Variants in CSMD1 observed in about 807,000 individuals in gnomAD.
The protein encoded by CSMD1 is CUB and sushi domain-containing protein 1.
A neutral mutation model predicts 417.5 loss-of-function variants in CSMD1; 213 were observed. The observed-to-expected ratio is 0.51, with a 90% CI of 0.46 to 0.57. The LOEUF is 0.57. Among genes scored for constraint, CSMD1 ranks in the 20% least tolerant of loss-of-function variants. CSMD1 has a pLI of 0.00. For synonymous variants in CSMD1, 2,862 were observed against 1,736.8 expected, an observed-to-expected ratio of 1.65 and a Z score of -16.11; for missense variants, 6,923 against 4,529.7, an observed-to-expected ratio of 1.53 and a Z score of -15.17.
At chr8:3,946,675 C>T (rs965104935) in intron 5 of CSMD1, among the ~76,000 whole-genome samples, 1 of 152,108 alleles carries the variant, frequency 6.6e-6, no homozygotes, top group African/African-American at 2.4e-5. Context: ...CCTGCATCTT[C>T]TCATTCATGG....
chr8:3,718,912 G>A (rs2129043753), intron 6 of CSMD1, among the ~76,000 whole-genome samples: 1 of 152,218 alleles, frequency 6.6e-6, no homozygotes, highest in Non-Finnish European at 1.5e-5. Flanking sequence ...CACCACCGGA[G>A]CCAATTTAAA....
intron 1 of CSMD1, among the ~76,000 whole-genome samples, chr8:4,879,397 T>A (rs901227441): frequency 6.6e-6 from 1 of 152,078 alleles, no homozygotes; most frequent in Non-Finnish European, 1.5e-5. Flanking sequence ...TGGCTGAACT[T>A]AGTGCAATGA....
At chr8:3,951,167 G>C (rs776976134) in intron 5 of CSMD1, among the ~76,000 whole-genome samples, 14 of 152,156 alleles carry the variant, frequency 9.2e-5, no homozygotes, top group African/African-American at 3.4e-4. Context: ...CAGAAGTTTT[G>C]AAGCAAATTC....
chr8:3,361,643 T>A (rs560211585), intron 20 of CSMD1, among the ~76,000 whole-genome samples: 1 of 98,756 alleles, frequency 1.0e-5, no homozygotes, highest in Non-Finnish European at 1.9e-5. Flanking sequence ...CAGAGCAAGA[T>A]TCCATCTCAA....
intron 10 of CSMD1, among the ~76,000 whole-genome samples, chr8:3,496,815 G>C (rs1297473818): frequency 2.0e-5 from 3 of 152,122 alleles, no homozygotes; most frequent in African/African-American, 4.8e-5. Flanking sequence ...GGGCAACAGA[G>C]TGAGACTCCG....
intron 26 of CSMD1, among the ~76,000 whole-genome samples, chr8:3,235,357 G>A (rs1041556624): frequency 2.0e-5 from 3 of 152,150 alleles, no homozygotes; most frequent in African/African-American, 7.2e-5. Context: ...TACTAGGAAA[G>A]TTTTACACAA....
chr8:3,637,352 T>C (rs1211687957), intron 7 of CSMD1, among the ~76,000 whole-genome samples: 1 of 152,184 alleles, frequency 6.6e-6, no homozygotes, highest in African/African-American at 2.4e-5. Context: ...TGGATTCTTA[T>C]GAGTTTGGGC....
At chr8:4,834,623 G>C (rs1363257237) in intron 1 of CSMD1, among the ~76,000 whole-genome samples, 2 of 151,990 alleles carry the variant, frequency 1.3e-5, no homozygotes, top group Non-Finnish European at 2.9e-5. Context: ...AAGAATGGCA[G>C]AGGAAGTAGC....
At chr8:4,089,745 C>G (rs547505531) in intron 3 of CSMD1, among the ~76,000 whole-genome samples, 1 of 152,080 alleles carries the variant, frequency 6.6e-6, no homozygotes, top group Admixed American at 6.5e-5. Context: ...GACACAACAT[C>G]ATTCATTAGT....
chr8:3,337,699 A>G (rs531514993), intron 23 of CSMD1, among the ~76,000 whole-genome samples: 1 of 152,192 alleles, frequency 6.6e-6, no homozygotes, highest in Non-Finnish European at 1.5e-5. Context: ...GCTGAGATCA[A>G]GTGCTCCCTA....
chr8:4,102,492 C>A (rs902841628), intron 3 of CSMD1, among the ~76,000 whole-genome samples: 1 of 152,064 alleles, frequency 6.6e-6, no homozygotes, highest in Non-Finnish European at 1.5e-5. Flanking sequence ...ACTTGAGGGG[C>A]AGAATTCTTT....
At chr8:4,877,205 G>A (rs1413229392) in intron 1 of CSMD1, among the ~76,000 whole-genome samples, 1 of 151,996 alleles carries the variant, frequency 6.6e-6, no homozygotes, top group African/African-American at 2.4e-5. Context: ...AGTATGCAAT[G>A]TAGCTGAATA....
chr8:4,290,877 C>A (rs778413089), intron 3 of CSMD1, among the ~76,000 whole-genome samples: 21 of 152,154 alleles, frequency 1.4e-4, no homozygotes, highest in Non-Finnish European at 2.6e-4. Flanking sequence ...ACTCATCATC[C>A]TTTACAATGT....
intron 4 of CSMD1, among the ~76,000 whole-genome samples, chr8:4,024,086 C>A (rs1357918058): frequency 6.6e-6 from 1 of 151,924 alleles, no homozygotes; most frequent in Non-Finnish European, 1.5e-5. Flanking sequence ...AGAGTAGAAG[C>A]AAGAATATTC....
intron 7 of CSMD1, among the ~76,000 whole-genome samples, chr8:3,676,272 A>G (rs13268988): frequency 0.31 from 47,544 of 151,998 alleles, 8,126 homozygotes; most frequent in Admixed American, 0.44. Context: ...GGCCCTAAGT[A>G]TTTACCAACT....
intron 5 of CSMD1, among the ~76,000 whole-genome samples, chr8:3,908,582 T>C (rs1808261219): frequency 6.6e-6 from 1 of 152,210 alleles, no homozygotes; most frequent in South Asian, 2.1e-4. Context: ...TGCCTCTCCC[T>C]TGTTTAATCC....
chr8:3,416,241 T>C (rs1309590155), intron 12 of CSMD1, among the ~76,000 whole-genome samples: 1 of 143,584 alleles, frequency 7.0e-6, no homozygotes, highest in African/African-American at 2.6e-5. Flanking sequence ...GGCTGGAGCT[T>C]GCAGTGAACC....
At chr8:3,418,823 T>C (rs1019625343) in intron 12 of CSMD1, among the ~76,000 whole-genome samples, 1 of 152,218 alleles carries the variant, frequency 6.6e-6, no homozygotes, top group African/African-American at 2.4e-5. Context: ...TGAGTCATTT[T>C]AAAGGATAGA....
intron 6 of CSMD1, among the ~76,000 whole-genome samples, chr8:3,743,311 T>G (rs1035565265): frequency 6.6e-6 from 1 of 152,248 alleles, no homozygotes; most frequent in Non-Finnish European, 1.5e-5. Context: ...ATGGCTTTCC[T>G]GGATGCTGGA....
Sources: gnomAD v4.1 joint callset for allele counts (sites outside exome capture counted in the v4.1 genomes callset) on GRCh38, gnomAD v4.1.1 for gene constraint, MANE v1.5 for transcripts, NCBI Gene and HGNC (gene_info 2026-07-23, HGNC 2026-07-21) for gene names.